The following GALNT6 variants were observed in gnomAD, a reference collection of about 807,000 sequenced individuals.
GALNT6 encodes GalNAc transferase 6.
In GALNT6, 51 loss-of-function variants were observed where a neutral mutation model predicts 65.9. That is an observed-to-expected ratio of 0.77 (90% CI 0.62 to 0.98). The LOEUF (loss-of-function observed/expected upper bound fraction) is 0.98. Among genes scored for constraint, GALNT6 ranks in the 50% least tolerant of loss-of-function variants. GALNT6 has a pLI of 0.00. For synonymous variants in GALNT6, 323 were observed against 315.1 expected (o/e 1.02, Z -0.26); for missense variants, 708 against 803.3 (o/e 0.88, Z 1.43).
rs1946676758 is a variant in GALNT6, at chr12:51,353,992, G to A, written c.*387C>T. The A allele has an allele frequency of 6.0e-6, 1 of 165,392 alleles. No homozygotes were observed. Among genetic ancestry groups the A allele is most frequent in the Non-Finnish European group, 1.3e-5 (1 of 78,098 alleles). The allele number at this position is 165,392 out of a possible 1,614,324, so 10.2% of individuals were successfully genotyped here. On this transcript the variant is annotated 3_prime_UTR_variant, in exon 12 of 12. Transcript: ENST00000356317. Reference sequence around the variant, plus strand: ...TGCTCAGGCCGGTCTTGAACTCCTGGGCTCAAGCCATTCTCCCACATTGTC... The same window carrying A: ...TGCTCAGGCCGGTCTTGAACTCCTGAGCTCAAGCCATTCTCCCACATTGTC...
chr12:51,360,098 T>C (rs979091133), intron 7 of GALNT6: 2 of 152,252 alleles, frequency 1.3e-5, no homozygotes, highest in African/African-American at 4.8e-5. Context: ...CTAATTACTT[T>C]TCCATGGCAT....
Position 51,358,205 on chromosome 12 carries a change from G to A in GALNT6, c.1425C>T (p.His475=), listed in dbSNP as rs775813608. The A allele has an allele frequency of 2.2e-5, 35 of 1,613,894 alleles. 1 individual carries two copies. Among genetic ancestry groups the A allele is most frequent in the Non-Finnish European group, 1.6e-5 (19 of 1,179,956 alleles). ...RLQLREQLHC[H]NFSWYLHNVY... ...CATTGTGCAGGTACCAGGAAAAGTT[G>A]TGACAGTGCAGTTGTTCCCTCAGCT... Residue 475 remains histidine (H), a synonymous_variant, in exon 9 of 12, where the codon CAC becomes CAT. Transcript: ENST00000356317.
intron 4 of GALNT6, among the ~76,000 whole-genome samples, chr12:51,367,520 A>G (rs1213258292): frequency 6.6e-6 from 1 of 152,218 alleles, no homozygotes; most frequent in African/African-American, 2.4e-5. Context: ...ATGTTTTACT[A>G]ACTGCCATTT....
intron 2 of GALNT6, among the ~76,000 whole-genome samples, chr12:51,380,505 T>C (rs1347698297): frequency 6.6e-6 from 1 of 152,214 alleles, no homozygotes; most frequent in African/African-American, 2.4e-5. Flanking sequence ...ATTCCACTTA[T>C]AGAAAATGTA....
chr12:51,371,353 A>C (rs550529537), intron 4 of GALNT6, among the ~76,000 whole-genome samples: 1 of 152,108 alleles, frequency 6.6e-6, no homozygotes, highest in East Asian at 1.9e-4. Flanking sequence ...AAAGTGCTGG[A>C]ATTAACAGGC....
At position 51,352,050 on chromosome 12, in the gene GALNT6, C is replaced by A. The variant is rs10516; in HGVS notation, c.*2329G>T. The A allele has an allele frequency of 2.0e-5, 3 of 152,190 alleles. No individual in the cohort carries two copies. The highest frequency in any genetic ancestry group is 2.0e-4 in the Admixed American group (3 of 15,280). The allele number at this position is 152,190 out of a possible 1,614,324, so 9.4% of individuals were successfully genotyped here. A position where few individuals can be genotyped will look rare whatever the true frequency, so the allele number is the denominator to read the frequency against. ...GCTCTCAGGGATGTAGGCGGCCTCC[C>A]GCAGGGTTGAGTTGCAATGGGAACA... On this transcript the variant is annotated 3_prime_UTR_variant, in exon 12 of 12. Coordinates refer to ENST00000356317, the MANE Select transcript of GALNT6 (RefSeq NM_007210.4).
At chr12:51,379,161 G>A (rs1947569920) in intron 3 of GALNT6, 130 bp downstream of exon 3, 1 of 898,626 alleles carries the variant, frequency 1.1e-6, no homozygotes, top group Admixed American at 3.1e-5. Context: ...GAGGCATAGA[G>A]GAGATCCTTG....
chr12:51,359,288 G>C lies in GALNT6; in HGVS notation c.1212C>G (p.Val404=). Reference sequence around the variant, plus strand: ...TCTTGGTCCGGAACACATGGCCTACGACAGAGCAGGGGATGATCTCCAGCT... The same window carrying C: ...TCTTGGTCCGGAACACATGGCCTACCACAGAGCAGGGGATGATCTCCAGCT... ...GGQLEIIPCS[V]VGHVFRTKSP... is the part of the protein sequence containing the mutation. Residue 404 remains valine, a synonymous_variant, in exon 8 of 12, where the codon GTC becomes GTG. Transcript: ENST00000356317. 6.2e-7 allele frequency: 1 copy of C among 1,613,904 alleles called. No individual in the cohort carries two copies. Among genetic ancestry groups the C allele is most frequent in the Non-Finnish European group, 8.5e-7 (1 of 1,179,926 alleles).
intron 11 of GALNT6, among the ~76,000 whole-genome samples, chr12:51,354,788 C>T: frequency 6.6e-6 from 1 of 152,138 alleles, no homozygotes. Context: ...GATGGCCAGG[C>T]TCAAAGACCC....
chr12:51,384,561 A>T (rs112221221), intron 2 of GALNT6, among the ~76,000 whole-genome samples: 19,999 of 151,892 alleles, frequency 0.13, 1,394 homozygotes, highest in South Asian at 0.21. Flanking sequence ...GCATGGTGGC[A>T]TGTGCCTGTA....
chr12:51,385,984 G>A (rs181564776), intron 2 of GALNT6, among the ~76,000 whole-genome samples: 119 of 152,260 alleles, frequency 7.8e-4, no homozygotes, highest in Admixed American at 1.5e-3. Flanking sequence ...ACAGAGGTGC[G>A]TGCCATCAGG....
At chr12:51,373,758 T>G (rs1400674086) in intron 4 of GALNT6, among the ~76,000 whole-genome samples, 1 of 152,238 alleles carries the variant, frequency 6.6e-6, no homozygotes, top group African/African-American at 2.4e-5. Context: ...TCCTCCCATC[T>G]CTGCCAAACT....
intron 11 of GALNT6, among the ~76,000 whole-genome samples, chr12:51,354,962 T>C (rs1218019984): frequency 2.0e-5 from 3 of 152,110 alleles, no homozygotes; most frequent in Non-Finnish European, 2.9e-5. Context: ...ACATGGCATA[T>C]CCTGGAGCAG....
In GALNT6 at chr12:51,359,076, G is replaced by C. The variant is rs1946837521; in HGVS notation, c.1368+56C>G. On this transcript the variant is annotated intron_variant, in intron 8 of 11. Transcript: ENST00000356317. Reference sequence around the variant, plus strand: ...CCCAGCCATTAGGCCCATGAACAGGGTCTGGGGGCCGTACTTCTCTTCATC... The same window carrying C: ...CCCAGCCATTAGGCCCATGAACAGGCTCTGGGGGCCGTACTTCTCTTCATC... The C allele has an allele frequency of 5.7e-6, 8 of 1,394,824 alleles. No individual in the cohort carries two copies. In the African/African-American group the frequency reaches 9.9e-5, roughly 17 times the overall value. 86.4% of individuals were successfully genotyped at this position (1,394,824 alleles called of 1,614,324 possible).
intron 2 of GALNT6, among the ~76,000 whole-genome samples, chr12:51,385,139 T>A (rs1947791353): frequency 6.6e-6 from 1 of 151,942 alleles, no homozygotes; most frequent in African/African-American, 2.4e-5. Flanking sequence ...TAGGTGTGTG[T>A]CATCAAGACC....
intron 2 of GALNT6, among the ~76,000 whole-genome samples, chr12:51,380,335 A>T (rs1452061745): frequency 2.0e-5 from 3 of 152,196 alleles, no homozygotes; most frequent in Non-Finnish European, 4.4e-5. Flanking sequence ...AAACTGGTAA[A>T]ACCTTTAAGT....
rs556444171 is a variant in GALNT6, at chr12:51,387,279, T to A, written c.-104+3571A>T. 6.6e-6 allele frequency among the ~76,000 whole-genome samples: 1 copy of A among 152,264 alleles called. No individual in the cohort carries two copies. Among genetic ancestry groups the A allele is most frequent in the South Asian group, 2.1e-4 (1 of 4,820 alleles). On this transcript the variant is annotated intron_variant, in intron 2 of 11. Coordinates refer to ENST00000356317, the MANE Select transcript of GALNT6 (RefSeq NM_007210.4). This position sits in a 1 kb window ranked among gnomAD's most constrained non-coding sequence, Gnocchi z 4.2. ...CGTCCGGCTAATTTTTGTATTTTTT[T>A]AGTAGAGACAGTGTTTCGCCATGTT...
rs774493983 is a variant in GALNT6, at chr12:51,379,685, T to A, written c.97A>T (p.Ser33Cys). 1.2e-6 allele frequency: 2 copies of A among 1,614,196 alleles called. No homozygotes were observed. The highest frequency in any genetic ancestry group is 1.7e-6 in the Non-Finnish European group (2 of 1,180,018). ...FLFLLHRDVS[S>C]REEATEKPWL... is the part of the protein sequence containing the mutation. ...GGCTTCTCTGTGGCCTCCTCTCTGC[T>A]GCTCACATCCCTATGCAGGAGGAAG... The change falls in exon 3 of 12, where the codon AGC becomes TGC. Residue 33 changes from serine to cysteine, a missense_variant. Transcript: ENST00000356317.
At chr12:51,388,329 T>C (rs1348962172) in intron 2 of GALNT6, among the ~76,000 whole-genome samples, 1 of 152,230 alleles carries the variant, frequency 6.6e-6, no homozygotes, top group Non-Finnish European at 1.5e-5. Flanking sequence ...CGTATTCATA[T>C]TCCTTGAGCA....
Sources: allele counts gnomAD v4.1 joint callset (sites outside exome capture counted in the v4.1 genomes callset), GRCh38; gene constraint gnomAD v4.1.1; non-coding constraint Gnocchi (gnomAD v3.1); transcripts MANE v1.5; gene names NCBI Gene and HGNC (gene_info 2026-07-23, HGNC 2026-07-21).